Variants in ZNF335 observed in about 807,000 individuals in gnomAD.
ZNF335 encodes the protein NRC-interacting factor 1.
A neutral mutation model predicts 145.6 loss-of-function variants in ZNF335; 84 were observed. The ratio of observed to expected loss-of-function variants is 0.58; its 90% CI spans 0.48 to 0.69. The LOEUF (loss-of-function observed/expected upper bound fraction) is 0.69, where lower values mean the gene tolerates loss of function less well. Ranked by LOEUF, ZNF335 falls within the 30% of genes least tolerant of loss-of-function variation. The probability of loss-of-function intolerance (pLI) is 0.00; values close to 1 mark genes in which losing one functional copy is unlikely to be tolerated. For synonymous variants in ZNF335, 761 were observed against 717.0 expected, an observed-to-expected ratio of 1.06 and a Z score of -0.98; for missense variants, 1,865 against 1,809.7, an observed-to-expected ratio of 1.03 and a Z score of -0.55.
At chr20:45,955,305 C>T (rs1370977416) in intron 17 of ZNF335, among the ~76,000 whole-genome samples, 6 of 127,226 alleles carry the variant, frequency 4.7e-5, no homozygotes, top group African/African-American at 1.2e-4. Flanking sequence ...GAGCCGAGAT[C>T]GCACCACTGC....
At chr20:45,950,430 C>G (rs375565129) in intron 21 of ZNF335, 23 bp downstream of exon 21, 4 of 1,613,930 alleles carry the variant, frequency 2.5e-6, no homozygotes, top group Middle Eastern at 1.6e-4. Flanking sequence ...CAGCAGTCCC[C>G]ACCCACCAGT....
intron 9 of ZNF335, among the ~76,000 whole-genome samples, chr20:45,962,781 G>A (rs2083868365): frequency 1.4e-5 from 2 of 144,948 alleles, no homozygotes; most frequent in Admixed American, 1.4e-4. Flanking sequence ...GGTAGCTTGT[G>A]TTAAGGAGAA....
chr20:45,967,563 C>G lies in ZNF335; in HGVS notation c.886G>C (p.Glu296Gln). 1 of 1,614,116 alleles carries G rather than the reference C, an allele frequency of 6.2e-7. No homozygotes were observed. Among genetic ancestry groups the G allele is most frequent in the South Asian group, 1.1e-5 (1 of 91,070 alleles). The change falls in exon 6 of 28, where the codon GAG (glutamate) becomes CAG (glutamine). Residue 296 changes from glutamate to glutamine, a missense_variant. Physicochemically the swap from Glu to Gln is conservative, Grantham distance 29. Coordinates refer to ENST00000322927, the MANE Select transcript of ZNF335 (RefSeq NM_022095.4). ...TCCTCCTCCTCTGGTCCCTCTTCCT[C>G]TTGGCTCTTGGTGGAGGTGCTCCAC... Reference protein sequence around the residue: ...RKWSTSTKSQEEEGPEEEDDD... With the variant: ...RKWSTSTKSQQEEGPEEEDDD...
rs781748256 is a variant in ZNF335, at chr20:45,962,105, G to A, written c.1611C>T (p.Asp537=). The A allele has an allele frequency of 4.7e-5, 75 of 1,595,506 alleles. No homozygotes were observed. The highest frequency in any genetic ancestry group is 6.8e-5 in the African/African-American group (5 of 73,974). ...ECSYTSVYRK[D]VIRHAAVHSR... ...TGTGCACAGCGGCGTGCCGAATGAC[G>A]TCCTTCCGGTAGACACTGGTGTAGC... Residue 537 remains aspartate, a synonymous_variant, in exon 10 of 28, where the codon GAC becomes GAT. Transcript: ENST00000322927.
At position 45,960,715 on chromosome 20, in the gene ZNF335, A is replaced by G; in HGVS notation, c.1683T>C (p.Ser561=). The G allele has an allele frequency of 6.2e-7, 1 of 1,614,140 alleles. No homozygotes were observed. The highest frequency in any genetic ancestry group is 8.5e-7 in the Non-Finnish European group (1 of 1,179,996). Residue 561 remains serine, a synonymous_variant, in exon 12 of 28, where the codon TCT becomes TCC. Coordinates refer to ENST00000322927, the MANE Select transcript of ZNF335 (RefSeq NM_022095.4). ...KRPDPTPKLS[S]FPCPVCGRVY... ...CACGGCCACACACAGGGCAGGGGAAAGAGCTCAGCTTTGGAGTCTAGGAAG... is the reference window on the plus strand; with the variant it reads ...CACGGCCACACACAGGGCAGGGGAAGGAGCTCAGCTTTGGAGTCTAGGAAG...
At chr20:45,949,118 C>G in intron 27 of ZNF335, 38 bp from the exon 28 acceptor site, 1 of 1,613,432 alleles carries the variant, frequency 6.2e-7, no homozygotes, top group Non-Finnish European at 8.5e-7. Context: ...GCTGGAGGCT[C>G]AAGAGCTGGG....
At position 45,960,852 on chromosome 20, in the gene ZNF335, C is replaced by T. The variant is rs759378008; in HGVS notation, c.1665+12G>A. The T allele has an allele frequency of 3.2e-5, 52 of 1,613,826 alleles. No homozygotes were observed. The highest frequency in any genetic ancestry group is 1.6e-4 in the Middle Eastern group (1 of 6,084). ...GGCAGGTTCCCTTCCCAGGCCAGCA[C>T]GCCAGACTCACCGGATCTGGCCTCT... is the stretch of plus-strand genomic sequence containing the variant. On this transcript the variant is annotated intron_variant, in intron 11 of 27. Transcript: ENST00000322927.
intron 17 of ZNF335, 40 bp downstream of exon 17, chr20:45,957,546 G>A (rs949132957): frequency 6.3e-7 from 1 of 1,591,264 alleles, no homozygotes; most frequent in African/African-American, 1.3e-5. Flanking sequence ...CTGGGTACCT[G>A]CGGTAGCTGG....
rs140668957 is a variant in ZNF335 at position 45,960,298 on chromosome 20, C to T, written c.1930G>A (p.Val644Ile). The change falls in exon 14 of 28, where the codon GTC (valine) becomes ATC (isoleucine). Residue 644 changes from valine to isoleucine, a missense_variant. Coordinates refer to ENST00000322927, the MANE Select transcript of ZNF335 (RefSeq NM_022095.4). ...KALLNHQLSH[V>I]SDKPFKCSFC... ...CTGCATTTGAAGGGCTTGTCACTGA[C>T]GTGGGACAACTGGTGGTTCAGCAGT... 122 of 1,614,202 alleles carry T rather than the reference C, an allele frequency of 7.6e-5. 1 individual carries two copies. Among genetic ancestry groups the T allele is most frequent in the Middle Eastern group, 4.9e-4 (3 of 6,062 alleles).
chr20:45,962,044 C>A, intron 10 of ZNF335, 26 bp downstream of exon 10: 1 of 1,562,458 alleles, frequency 6.4e-7, no homozygotes, highest in South Asian at 1.1e-5. Flanking sequence ...CTCTCTTGCC[C>A]AGGTCCCTCC....
chr20:45,961,914 G>C (rs974993386), intron 10 of ZNF335, 156 bp downstream of exon 10: 22 of 629,538 alleles, frequency 3.5e-5, no homozygotes, highest in Non-Finnish European at 5.4e-5. Context: ...AAATGAACTG[G>C]GGTGAACTGC....
chr20:45,971,689 C>T (rs919862529), intron 1 of ZNF335: 1 of 985,378 alleles, frequency 1.0e-6, no homozygotes, highest in East Asian at 1.1e-4. Context: ...GGCTGGTAAT[C>T]TTGACCCTTT....
intron 3 of ZNF335, among the ~76,000 whole-genome samples, 193 bp downstream of exon 3, chr20:45,969,258 G>A (rs2084013823): frequency 2.0e-5 from 3 of 152,216 alleles, no homozygotes; most frequent in African/African-American, 7.2e-5. Flanking sequence ...TGTCATGCCA[G>A]GCGCTAGGCT....
At chr20:45,968,442 G>T in intron 3 of ZNF335, 80 bp from the exon 4 acceptor site, 3 of 1,381,466 alleles carry the variant, frequency 2.2e-6, no homozygotes, top group Middle Eastern at 1.8e-4. Flanking sequence ...CCCCACTTTG[G>T]CCTGTGAGCA....
At chr20:45,953,482 C>T (rs1221489318) in intron 18 of ZNF335, among the ~76,000 whole-genome samples, 1 of 152,178 alleles carries the variant, frequency 6.6e-6, no homozygotes, top group African/African-American at 2.4e-5. Context: ...GCTTAGGTCC[C>T]ATCATGAGTG....
chr20:45,967,459 T>C (rs770567053), intron 6 of ZNF335, 35 bp downstream of exon 6: 11 of 1,613,890 alleles, frequency 6.8e-6, no homozygotes, highest in African/African-American at 1.3e-5. Context: ...TAGATGGGCA[T>C]AGGGATGGCA....
chr20:45,964,854 T>C (rs1422325320), intron 7 of ZNF335, among the ~76,000 whole-genome samples: 5 of 151,424 alleles, frequency 3.3e-5, no homozygotes, highest in South Asian at 4.2e-4. Context: ...CTGGCCAATA[T>C]GGTGAAACCC....
Position 45,952,379 on chromosome 20 carries a change from G to A in ZNF335, c.2957C>T (p.Ser986Phe). Residue 986 changes from serine (S) to phenylalanine (F), a missense_variant, in exon 20 of 28, where the codon TCC (serine) becomes TTC (phenylalanine). Ser to Phe is a radical substitution (Grantham distance 155). Coordinates refer to ENST00000322927, the MANE Select transcript of ZNF335 (RefSeq NM_022095.4). ...SPAKTHCVGD[S>F]QSSASSPPAT... Reference sequence around the variant, plus strand: ...AGGAGGTGAGGAGGCAGAGCTCTGGGAGTCCCCTACGCAGTGGGTCTTGGC... The same window carrying A: ...AGGAGGTGAGGAGGCAGAGCTCTGGAAGTCCCCTACGCAGTGGGTCTTGGC... 6.2e-7 allele frequency: 1 copy of A among 1,608,882 alleles called. No homozygotes were observed. Among genetic ancestry groups the A allele is most frequent in the Non-Finnish European group, 8.5e-7 (1 of 1,177,312 alleles).
chr20:45,968,387 C>T (rs1179248673), intron 3 of ZNF335, 25 bp from the exon 4 acceptor site: 7 of 1,600,416 alleles, frequency 4.4e-6, no homozygotes, highest in Non-Finnish European at 6.0e-6. Flanking sequence ...GGAAGGGTCA[C>T]ACCTCCTGGG....
Sources: gnomAD v4.1 joint callset for allele counts (sites outside exome capture counted in the v4.1 genomes callset) on GRCh38, gnomAD v4.1.1 for gene constraint, MANE v1.5 for transcripts, NCBI Gene and HGNC (gene_info 2026-07-23, HGNC 2026-07-21) for gene names.